Variants in HPSE2 observed in about 807,000 individuals in gnomAD.
HPSE2 encodes heparanase 2 (inactive).
HPSE2 carries 38 observed loss-of-function variants against 60.5 expected under a neutral mutation model. That is an observed-to-expected ratio of 0.63 (90% CI 0.48 to 0.82). HPSE2 has a LOEUF of 0.82. Ranked by LOEUF, HPSE2 falls within the 40% of genes least tolerant of loss-of-function variation. The pLI, the probability that HPSE2 is intolerant of heterozygous loss-of-function variation, is 0.00. For missense variants in HPSE2, 713 were observed against 740.4 expected, an observed-to-expected ratio of 0.96 and a Z score of 0.43; for synonymous variants, 295 against 293.2, an observed-to-expected ratio of 1.01 and a Z score of -0.06.
At chr10:99,192,010 A>G (rs1373191037) in intron 2 of HPSE2, among the ~76,000 whole-genome samples, 2 of 152,212 alleles carry the variant, frequency 1.3e-5, no homozygotes, top group African/African-American at 2.4e-5. Context: ...AATCAGAAGA[A>G]ATAATTAGTA....
intron 1 of HPSE2, among the ~76,000 whole-genome samples, chr10:99,232,989 A>G (rs557370334): frequency 1.3e-5 from 2 of 152,372 alleles, no homozygotes; most frequent in Admixed American, 1.3e-4. Flanking sequence ...GGGGCCCCAC[A>G]AACCTCCGTG....
the HPSE2 span, among the ~76,000 whole-genome samples, chr10:99,312,436 C>T: frequency 1.3e-5 from 2 of 152,188 alleles, no homozygotes; most frequent in African/African-American, 4.8e-5. Flanking sequence ...CCCTTAAGAA[C>T]GTTAAATCTA....
intron 3 of HPSE2, among the ~76,000 whole-genome samples, chr10:98,843,012 C>T (rs931745117): frequency 2.6e-5 from 4 of 152,102 alleles, no homozygotes; most frequent in Admixed American, 6.6e-5. Flanking sequence ...CCATTCTTTT[C>T]GTGGCTTGAT....
At chr10:99,033,243 T>C (rs1026501155) in intron 3 of HPSE2, among the ~76,000 whole-genome samples, 1 of 152,230 alleles carries the variant, frequency 6.6e-6, no homozygotes, top group Non-Finnish European at 1.5e-5. Flanking sequence ...GGTGGTGAAA[T>C]GTTTTCTATT....
At chr10:99,042,301 C>T (rs538109137) in intron 3 of HPSE2, among the ~76,000 whole-genome samples, 4 of 152,178 alleles carry the variant, frequency 2.6e-5, no homozygotes, top group Non-Finnish European at 2.9e-5. Flanking sequence ...CCAGACAAGG[C>T]GTCCCTGGCT....
At chr10:98,929,589 A>G (rs1431105590) in intron 3 of HPSE2, among the ~76,000 whole-genome samples, 1 of 143,890 alleles carries the variant, frequency 6.9e-6, no homozygotes, top group Non-Finnish European at 1.5e-5. Context: ...AACGTTCAAA[A>G]GTTGAAAGAC....
intron 4 of HPSE2, among the ~76,000 whole-genome samples, chr10:98,723,895 T>C (rs1363993347): frequency 6.6e-6 from 1 of 152,192 alleles, no homozygotes; most frequent in Admixed American, 6.5e-5. Context: ...ATCAATTTTG[T>C]TGATCTTTTC....
At chr10:99,138,586 T>C (rs1172763077) in intron 3 of HPSE2, among the ~76,000 whole-genome samples, 4 of 152,194 alleles carry the variant, frequency 2.6e-5, no homozygotes, top group African/African-American at 9.7e-5. Context: ...GTTCATGTCC[T>C]TTGCAGGGAC....
chr10:99,136,304 C>T (rs1454397522), intron 3 of HPSE2, among the ~76,000 whole-genome samples: 3 of 152,128 alleles, frequency 2.0e-5, no homozygotes, highest in Non-Finnish European at 2.9e-5. Flanking sequence ...CGAATTCTAC[C>T]AGAGGTACAA....
chr10:99,206,370 G>T (rs1272794219), intron 2 of HPSE2, among the ~76,000 whole-genome samples: 2 of 152,038 alleles, frequency 1.3e-5, no homozygotes, highest in Non-Finnish European at 2.9e-5. Context: ...AGAGGCCAAG[G>T]CAGGTGGATC....
chr10:98,808,266 GT>G (rs1951087831), intron 3 of HPSE2, among the ~76,000 whole-genome samples: 1 of 152,108 alleles, frequency 6.6e-6, no homozygotes, highest in Non-Finnish European at 1.5e-5. Flanking sequence ...CTCTGTTTCT[GT>G]TGATGATGCC....
intron 2 of HPSE2, 30 bp from the exon 3 acceptor site, chr10:99,144,429 C>A: frequency 6.2e-7 from 1 of 1,609,320 alleles, no homozygotes; most frequent in Non-Finnish European, 8.5e-7. Context: ...AGGCAGGCAG[C>A]AAAAACTAAA....
At chr10:98,997,176 G>T (rs185960152) in intron 3 of HPSE2, among the ~76,000 whole-genome samples, 1 of 146,550 alleles carries the variant, frequency 6.8e-6, no homozygotes, top group African/African-American at 2.5e-5. Flanking sequence ...GCAGTGGAGC[G>T]ATCTCAGCTC....
At chr10:98,526,109 T>C (rs189912232) in intron 9 of HPSE2, among the ~76,000 whole-genome samples, 42 of 152,332 alleles carry the variant, frequency 2.8e-4, no homozygotes, top group African/African-American at 9.4e-4. Context: ...TTTCTGCTAT[T>C]TCTAGCCTGC....
intron 3 of HPSE2, among the ~76,000 whole-genome samples, chr10:98,897,905 G>A (rs898045348): frequency 7.2e-5 from 11 of 151,960 alleles, no homozygotes; most frequent in Admixed American, 7.2e-4. Flanking sequence ...GGAACGAAAA[G>A]CCACAGACTG....
chr10:98,618,534 G>T (rs1366311790), intron 8 of HPSE2, among the ~76,000 whole-genome samples: 1 of 152,052 alleles, frequency 6.6e-6, no homozygotes, highest in Non-Finnish European at 1.5e-5. Context: ...TCTTTCAACA[G>T]GTCTCATATC....
chr10:99,060,658 C>CAAAA (rs35034456), intron 3 of HPSE2, among the ~76,000 whole-genome samples: 12 of 47,804 alleles, frequency 2.5e-4, no homozygotes, highest in South Asian at 1.1e-3. Flanking sequence ...AACTCTGTCT[C>CAAAA]AAAAAAAAAA....
chr10:98,540,880 T>C lies in HPSE2; in HGVS notation c.1321-50684A>G, dbSNP rs529352384. Reference sequence around the variant, plus strand: ...ATGTAAAGAGGAAATATGAGGATAATTAAATTTGAGGTTGTGGGAACCTAA... The same window carrying C: ...ATGTAAAGAGGAAATATGAGGATAACTAAATTTGAGGTTGTGGGAACCTAA... On this transcript the variant is annotated intron_variant, in intron 9 of 11. Coordinates refer to ENST00000370552, the MANE Select transcript of HPSE2 (RefSeq NM_021828.5). Among the ~76,000 whole-genome samples the C allele has an allele frequency of 2.6e-5, 4 of 152,278 alleles. No homozygotes were observed. The South Asian group carries it at 8.3e-4, about 32-fold the overall frequency.
intron 3 of HPSE2, among the ~76,000 whole-genome samples, chr10:99,060,590 A>C (rs1250163873): frequency 6.8e-6 from 1 of 146,384 alleles, no homozygotes; most frequent in Non-Finnish European, 1.5e-5. Flanking sequence ...CCAGGGAAGC[A>C]GAGGTTGAGG....
Sources: gnomAD v4.1 joint callset for allele counts (sites outside exome capture counted in the v4.1 genomes callset) on GRCh38, gnomAD v4.1.1 for gene constraint, MANE v1.5 for transcripts, NCBI Gene and HGNC (gene_info 2026-07-23, HGNC 2026-07-21) for gene names.